The following ELP2 variants were observed in gnomAD, a reference collection of about 807,000 sequenced individuals.
ELP2 encodes the protein elongator complex protein 2.
ELP2 carries 90 observed loss-of-function variants against 119.2 expected under a neutral mutation model. The observed-to-expected ratio is 0.75, with a 90% CI of 0.64 to 0.90. The LOEUF (loss-of-function observed/expected upper bound fraction) is 0.90. Among genes scored for constraint, ELP2 ranks in the 40% least tolerant of loss-of-function variants. The pLI, the probability that ELP2 is intolerant of heterozygous loss-of-function variation, is 0.00. For synonymous variants in ELP2, 339 were observed against 331.0 expected (o/e 1.02, Z -0.26); for missense variants, 921 against 967.8 (o/e 0.95, Z 0.64).
rs1045930319 is a variant in ELP2 at position 36,145,989 on chromosome 18, A to G, written c.934A>G (p.Met312Val). 1.2e-5 allele frequency: 19 copies of G among 1,613,944 alleles called. No homozygotes were observed. The highest frequency in any genetic ancestry group is 2.7e-5 in the African/African-American group (2 of 74,922). The change falls in exon 10 of 22, where the codon ATG (methionine) becomes GTG (valine). Residue 312 changes from methionine to valine, a missense_variant. Transcript: ENST00000358232. ...QQPVRLLSAS[M>V]DKTMILWAPD... ...GCCAGTGAGATTATTATCTGCTTCCATGGATAAAACCATGATTCTCTGGGC... is the reference window on the plus strand; with the variant it reads ...GCCAGTGAGATTATTATCTGCTTCCGTGGATAAAACCATGATTCTCTGGGC...
At chr18:36,139,125 T>C (rs1170402959) in intron 5 of ELP2, among the ~76,000 whole-genome samples, 1 of 152,224 alleles carries the variant, frequency 6.6e-6, no homozygotes, top group Non-Finnish European at 1.5e-5. Flanking sequence ...ATTGATACTG[T>C]TATCAAATAT....
rs372224272 is a variant in ELP2 at position 36,170,058 on chromosome 18, A to G, written c.2077-5A>G. 3.1e-6 allele frequency: 5 copies of G among 1,614,128 alleles called. No homozygotes were observed. In the African/African-American group the frequency reaches 6.7e-5, roughly 22 times the overall value. On this transcript the variant is annotated splice_polypyrimidine_tract_variant and splice_region_variant and intron_variant, in intron 19 of 21. Transcript: ENST00000358232. ...GCTTTACAGTGTGTGATCTGTCTGTATTAGGTGGTTGTCTGGGGTGAGTGC... is the reference window on the plus strand; with the variant it reads ...GCTTTACAGTGTGTGATCTGTCTGTGTTAGGTGGTTGTCTGGGGTGAGTGC...
At chr18:36,146,073 A>G (rs768404298) in intron 10 of ELP2, 25 bp downstream of exon 10, 1 of 1,607,748 alleles carries the variant, frequency 6.2e-7, no homozygotes, top group Non-Finnish European at 8.5e-7. Flanking sequence ...TATTTAAGGA[A>G]CAGAAAATTA....
At chr18:36,140,946 C>T (rs1046524384) in intron 5 of ELP2, among the ~76,000 whole-genome samples, 191 bp from the exon 6 acceptor site, 2 of 152,198 alleles carry the variant, frequency 1.3e-5, no homozygotes, top group Admixed American at 6.5e-5. Context: ...CAAGTAACCA[C>T]TGAATAGAAC....
In ELP2 at chr18:36,158,564, A is replaced by G. The variant is rs182931429; in HGVS notation, c.1465-271A>G. ...TGTTATGGTTCGATGAGGTCCCTTT[A>G]TGGATGAGAGGATGCCCGACTTTAT... On this transcript the variant is annotated intron_variant, in intron 13 of 21. Transcript: ENST00000358232. 5 of 359,878 alleles carry G rather than the reference A, an allele frequency of 1.4e-5. No individual in the cohort carries two copies. The East Asian group carries it at 2.4e-4, about 17-fold the overall frequency. The allele number at this position is 359,878 out of a possible 1,614,324, so 22.3% of individuals were successfully genotyped here.
Position 36,164,514 on chromosome 18 carries a change from A to G in ELP2, c.1801A>G (p.Thr601Ala), listed in dbSNP as rs2090834433. 6.2e-7 allele frequency: 1 copy of G among 1,614,110 alleles called. No homozygotes were observed. Among genetic ancestry groups the G allele is most frequent in the East Asian group, 2.2e-5 (1 of 44,870 alleles). The change falls in exon 18 of 22, where the codon ACT becomes GCT. Residue 601 changes from threonine to alanine, a missense_variant. By Grantham distance (58) the Thr-to-Ala change is moderately conservative. Coordinates refer to ENST00000358232, the MANE Select transcript of ELP2 (RefSeq NM_018255.4). The stretch of plus-strand genomic sequence containing the variant: ...GCATGCAGCTATCATTCTTTGGAAC[A>G]CTACATCTTGGAAACAGGTGCAGAA... Reference protein sequence around the residue: ...KEHAAIILWNTTSWKQVQNLV... With the variant: ...KEHAAIILWNATSWKQVQNLV...
intron 4 of ELP2, 150 bp downstream of exon 4, chr18:36,138,576 T>C (rs1024420045): frequency 1.0e-6 from 1 of 978,790 alleles, no homozygotes; most frequent in African/African-American, 1.6e-5. Context: ...TGCACTTATT[T>C]AAAATTCTCT....
chr18:36,168,575 C>T (rs953759112), intron 19 of ELP2, among the ~76,000 whole-genome samples: 2 of 152,130 alleles, frequency 1.3e-5, no homozygotes, highest in African/African-American at 2.4e-5. Context: ...CATCAGATCT[C>T]GTGAGAACTC....
At chr18:36,163,270 TGG>T (rs941962508) in intron 17 of ELP2, among the ~76,000 whole-genome samples, 13 of 146,208 alleles carry the variant, frequency 8.9e-5, no homozygotes, top group Admixed American at 4.7e-4. Flanking sequence ...TAGTAGTTCA[TGG>T]GGGGTGTGTG....
chr18:36,142,264 G>A lies in ELP2; in HGVS notation c.589-17G>A. The A allele has an allele frequency of 6.2e-7, 1 of 1,610,200 alleles. No individual in the cohort carries two copies. Among genetic ancestry groups the A allele is most frequent in the Non-Finnish European group, 8.5e-7 (1 of 1,176,638 alleles). ...GTTAAATTCTTACATCAAGCCCAAT[G>A]ATTTTTATCTTACTAGTTTCAGAAA... On this transcript the variant is annotated splice_polypyrimidine_tract_variant and intron_variant, in intron 6 of 21. Coordinates refer to ENST00000358232, the MANE Select transcript of ELP2 (RefSeq NM_018255.4).
Position 36,141,137 on chromosome 18 carries a change from T to C in ELP2, c.524T>C (p.Val175Ala). 6.2e-7 allele frequency: 1 copy of C among 1,613,442 alleles called. No homozygotes were observed. Among genetic ancestry groups the C allele is most frequent in the African/African-American group, 1.3e-5 (1 of 75,048 alleles). ...LCLSFLPNTDVPILACGNDDC... is the reference protein window; with the variant it reads ...LCLSFLPNTDAPILACGNDDC... ...TGAAGCCTGTTTTTTCTTCCCCCAG[T>C]ACCAATATTAGCATGTGGCAATGAT... The change falls in exon 6 of 22, where the codon GTA becomes GCA. Residue 175 changes from valine (V) to alanine (A), a missense_variant and splice_region_variant. Physicochemically the swap from Val to Ala is moderately conservative, Grantham distance 64. Transcript: ENST00000358232.
chr18:36,145,933 G>A lies in ELP2; in HGVS notation c.893-15G>A. On this transcript the variant is annotated splice_polypyrimidine_tract_variant and intron_variant, in intron 9 of 21. Coordinates refer to ENST00000358232, the MANE Select transcript of ELP2 (RefSeq NM_018255.4). ...GATTGTTGATCACCTAAAGGGATTAGGTTTTATTTTTTAGATGGTGTCCTA... is the reference window on the plus strand; with the variant it reads ...GATTGTTGATCACCTAAAGGGATTAAGTTTTATTTTTTAGATGGTGTCCTA... The A allele has an allele frequency of 6.2e-7, 1 of 1,600,536 alleles. No homozygotes were observed. The highest frequency in any genetic ancestry group is 8.6e-7 in the Non-Finnish European group (1 of 1,167,626).
chr18:36,140,033 A>G (rs1008178863), intron 5 of ELP2, among the ~76,000 whole-genome samples: 40 of 152,056 alleles, frequency 2.6e-4, no homozygotes, highest in African/African-American at 9.6e-4. Context: ...TTGTAGAGAC[A>G]AGGTCTGTTT....
At position 36,145,022 on chromosome 18, in the gene ELP2, G is replaced by A. The variant is rs569215261; in HGVS notation, c.880G>A (p.Val294Met). 22 of 1,613,234 alleles carry A rather than the reference G, an allele frequency of 1.4e-5. 1 individual carries two copies. Among genetic ancestry groups the A allele is most frequent in the Middle Eastern group, 3.3e-4 (2 of 6,058 alleles). ...GGTAAATGCAGTTCACTGGCAACCT[G>A]TGTTTTACAAAGGTAGGAAGAAAAC... Reference protein sequence around the residue: ...NWVNAVHWQPVFYKDGVLQQP... With the variant: ...NWVNAVHWQPMFYKDGVLQQP... Residue 294 changes from valine (V) to methionine (M), a missense_variant, in exon 9 of 22, where the codon GTG (valine) becomes ATG (methionine). Physicochemically the swap from Val to Met is conservative, Grantham distance 21. Coordinates refer to ENST00000358232, the MANE Select transcript of ELP2 (RefSeq NM_018255.4).
intron 6 of ELP2, 24 bp downstream of exon 6, chr18:36,141,225 C>G (rs1434594579): frequency 1.3e-6 from 2 of 1,559,874 alleles, no homozygotes; most frequent in Non-Finnish European, 8.8e-7. Context: ...TATTAAGAGG[C>G]TGGAATTATA....
In ELP2 at chr18:36,175,788, C is replaced by G. The variant is rs563297063; in HGVS notation, c.*1147C>G. The G allele has an allele frequency of 6.6e-6, 1 of 152,000 alleles. No individual in the cohort carries two copies. The highest frequency in any genetic ancestry group is 6.6e-5 in the Admixed American group (1 of 15,226). The allele number at this position is 152,000 out of a possible 1,614,324, so 9.4% of individuals were successfully genotyped here. Reference sequence around the variant, plus strand: ...AGGCTGGTGTGAGCAGGGGACTACTCCAGCCCTGTTGGAACATAGAGCCAT... The same window carrying G: ...AGGCTGGTGTGAGCAGGGGACTACTGCAGCCCTGTTGGAACATAGAGCCAT... On this transcript the variant is annotated 3_prime_UTR_variant, in exon 22 of 22. Transcript: ENST00000358232.
At chr18:36,165,204 A>C (rs926072099) in intron 18 of ELP2, 1 of 154,184 alleles carries the variant, frequency 6.5e-6, no homozygotes, top group African/African-American at 2.4e-5. Context: ...TTAGGCATCC[A>C]TCTGGATAAA....
intron 17 of ELP2, among the ~76,000 whole-genome samples, chr18:36,163,513 ATATCTAGTCT>A (rs2090804696): frequency 6.6e-6 from 1 of 151,392 alleles, no homozygotes; most frequent in Non-Finnish European, 1.5e-5. Context: ...TGTCTTTCTT[ATATCTAGTCT>A]TTGATTCAAG....
chr18:36,167,224 TA>T lies in ELP2; in HGVS notation c.2076+4del. On this transcript the variant is annotated splice_donor_region_variant and intron_variant, in intron 19 of 21. Transcript: ENST00000358232. ...TTCACTGGGAGTCGAGACAAAAAGG[TA>T]ATTATTTAAAAATTTAATATTTTTT... 6.3e-7 allele frequency: 1 copy of T among 1,576,862 alleles called. No homozygotes were observed. Among genetic ancestry groups the T allele is most frequent in the Non-Finnish European group, 8.6e-7 (1 of 1,159,416 alleles).
Sources: gnomAD v4.1 joint callset for allele counts (sites outside exome capture counted in the v4.1 genomes callset) on GRCh38, gnomAD v4.1.1 for gene constraint, MANE v1.5 for transcripts, NCBI Gene and HGNC (gene_info 2026-07-23, HGNC 2026-07-21) for gene names.